MAN1A1: variants seen among roughly 807,000 people sequenced by gnomAD.
MAN1A1 encodes the protein mannosidase alpha class 1A member 1.
In MAN1A1, 29 loss-of-function variants were observed where a neutral mutation model predicts 70.8. The ratio of observed to expected loss-of-function variants is 0.41; its 90% confidence interval spans 0.31 to 0.56. The LOEUF is 0.56. Ranked by LOEUF, MAN1A1 falls within the 20% of genes least tolerant of loss-of-function variation. The probability of loss-of-function intolerance (pLI) is 0.29; values close to 1 mark genes in which losing one functional copy is unlikely to be tolerated. For synonymous variants in MAN1A1, 349 were observed against 330.1 expected (o/e 1.06, Z -0.62); for missense variants, 747 against 841.3 (o/e 0.89, Z 1.39).
At chr6:119,203,767 G>C (rs946253811) in intron 7 of MAN1A1, among the ~76,000 whole-genome samples, 3 of 152,166 alleles carry the variant, frequency 2.0e-5, no homozygotes, top group Admixed American at 2.0e-4. Context: ...TAGGCGTTAA[G>C]TCCGAGGCAT....
intron 6 of MAN1A1, among the ~76,000 whole-genome samples, chr6:119,231,649 G>A (rs1320456284): frequency 6.6e-6 from 1 of 152,120 alleles, no homozygotes; most frequent in Non-Finnish European, 1.5e-5. Flanking sequence ...CTGAGGGCCT[G>A]GCCAAGGCAC....
At chr6:119,293,115 T>C (rs989072295) in intron 4 of MAN1A1, among the ~76,000 whole-genome samples, 8 of 152,100 alleles carry the variant, frequency 5.3e-5, no homozygotes, top group Admixed American at 1.3e-4. Context: ...ATTCTGGCTA[T>C]AGGTTCTTGA....
chr6:119,343,880 G>A (rs1367030557), intron 2 of MAN1A1, among the ~76,000 whole-genome samples: 2 of 152,182 alleles, frequency 1.3e-5, no homozygotes, highest in Non-Finnish European at 1.5e-5. Flanking sequence ...CCAGGTTCCA[G>A]TGCAATTCTG....
chr6:119,324,607 T>C (rs1773100409), intron 2 of MAN1A1, among the ~76,000 whole-genome samples: 2 of 152,106 alleles, frequency 1.3e-5, no homozygotes, highest in Non-Finnish European at 1.5e-5. Context: ...TTATATATTC[T>C]AGAAGTTAAG....
intron 6 of MAN1A1, among the ~76,000 whole-genome samples, chr6:119,238,377 T>A (rs1774913620): frequency 6.6e-6 from 1 of 152,214 alleles, no homozygotes; most frequent in Non-Finnish European, 1.5e-5. Flanking sequence ...ACAAATGTAA[T>A]CATATTTTAA....
chr6:119,204,442 G>A (rs1273346446), intron 7 of MAN1A1, among the ~76,000 whole-genome samples: 6 of 152,298 alleles, frequency 3.9e-5, no homozygotes, highest in Non-Finnish European at 4.4e-5. Flanking sequence ...CTTTCACATA[G>A]TTGGCTCATG....
intron 5 of MAN1A1, among the ~76,000 whole-genome samples, chr6:119,275,362 A>G (rs1315450841): frequency 9.7e-6 from 1 of 103,222 alleles, no homozygotes; most frequent in Non-Finnish European, 1.9e-5. Flanking sequence ...GCTGGAGTGC[A>G]GTGGCGGGAT....
At chr6:119,291,274 T>C (rs529615092) in intron 4 of MAN1A1, among the ~76,000 whole-genome samples, 113 of 152,202 alleles carry the variant, frequency 7.4e-4, no homozygotes, top group African/African-American at 2.5e-3. Context: ...GACTTGCTCC[T>C]AGCCTTCCGC....
Position 119,247,555 on chromosome 6 carries a change from C to T in MAN1A1, c.992+705G>A, listed in dbSNP as rs145462999. ...TTAAGAAGGAAGCTTAAGACAAAAT[C>T]GTTTATTAATGAAATGCTTAAGTTA... is the stretch of plus-strand genomic sequence containing the variant. On this transcript the variant is annotated intron_variant, in intron 6 of 12. Transcript: ENST00000368468. Among the ~76,000 whole-genome samples, 55 of 152,238 alleles carry T rather than the reference C, an allele frequency of 3.6e-4. No individual in the cohort carries two copies. The East Asian group carries it at 0.011, about 29-fold the overall frequency.
At chr6:119,302,156 T>G in intron 3 of MAN1A1, 53 bp from the exon 4 acceptor site, 1 of 844,568 alleles carries the variant, frequency 1.2e-6, no homozygotes, top group Non-Finnish European at 2.0e-6. Context: ...ATAAAATATA[T>G]GTAAATTGAC....
chr6:119,193,545 T>C (rs1399995164), intron 9 of MAN1A1, among the ~76,000 whole-genome samples: 1 of 152,214 alleles, frequency 6.6e-6, no homozygotes, highest in Non-Finnish European at 1.5e-5. Context: ...TTTTCAGATA[T>C]GTGACTCTTA....
chr6:119,301,870 C>T (rs6420708), intron 4 of MAN1A1, 118 bp downstream of exon 4: 224,793 of 607,146 alleles, frequency 0.37, 43,876 homozygotes, highest in Non-Finnish European at 0.41. Context: ...ATTTGTACTA[C>T]CTAAAGTTGC....
chr6:119,349,122 C>T lies in MAN1A1; in HGVS notation c.-57G>A, dbSNP rs1425764343. 2 of 1,257,960 alleles carry T rather than the reference C, an allele frequency of 1.6e-6. No individual in the cohort carries two copies. Among genetic ancestry groups the T allele is most frequent in the African/African-American group, 3.1e-5 (2 of 64,060 alleles). The allele number at this position is 1,257,960 out of a possible 1,614,324, so 77.9% of individuals were successfully genotyped here. A position where few individuals can be genotyped will look rare whatever the true frequency, so the allele number is the denominator to read the frequency against. On this transcript the variant is annotated 5_prime_UTR_variant, in exon 2 of 13. Transcript: ENST00000368468. ...CCGCTCAGCAGCCAAACTTCGCCGCCGCTGGGAGTCCGCGGCTGCGGGGCT... is the reference window on the plus strand; with the variant it reads ...CCGCTCAGCAGCCAAACTTCGCCGCTGCTGGGAGTCCGCGGCTGCGGGGCT...
chr6:119,338,475 TAAG>T (rs955276736), intron 2 of MAN1A1, among the ~76,000 whole-genome samples: 2 of 152,204 alleles, frequency 1.3e-5, no homozygotes, highest in African/African-American at 4.8e-5. Context: ...TCTTCACACA[TAAG>T]AACAAATATT....
intron 5 of MAN1A1, among the ~76,000 whole-genome samples, chr6:119,280,961 G>A (rs1350317315): frequency 6.6e-6 from 1 of 152,218 alleles, no homozygotes; most frequent in East Asian, 1.9e-4. Context: ...CAGGCAACAC[G>A]GCAGGCCGCT....
chr6:119,255,086 T>G (rs1403197472), intron 5 of MAN1A1, among the ~76,000 whole-genome samples: 1 of 152,238 alleles, frequency 6.6e-6, no homozygotes, highest in Admixed American at 6.5e-5. Flanking sequence ...GACATATGGT[T>G]TTCTTTGCCT....
In MAN1A1 at chr6:119,204,901, C is replaced by T. The variant is rs201160543; in HGVS notation, c.993-19G>A. 2.5e-5 allele frequency: 40 copies of T among 1,612,350 alleles called. No individual in the cohort carries two copies. Among genetic ancestry groups the T allele is most frequent in the African/African-American group, 6.7e-5 (5 of 74,888 alleles). On this transcript the variant is annotated intron_variant, in intron 6 of 12. Coordinates refer to ENST00000368468, the MANE Select transcript of MAN1A1 (RefSeq NM_005907.4). Reference sequence around the variant, plus strand: ...AATACCACTAAAGAAGAGATGACGTCGAAGAGTTATGGGTCAGATTAACTC... The same window carrying T: ...AATACCACTAAAGAAGAGATGACGTTGAAGAGTTATGGGTCAGATTAACTC...
intron 5 of MAN1A1, among the ~76,000 whole-genome samples, chr6:119,258,888 G>A (rs536102946): frequency 8.5e-5 from 13 of 152,178 alleles, no homozygotes; most frequent in African/African-American, 2.9e-4. Flanking sequence ...CAGTCTGTAC[G>A]ATCTTGAACG....
intron 2 of MAN1A1, among the ~76,000 whole-genome samples, chr6:119,339,707 T>G (rs1773552157): frequency 1.3e-5 from 2 of 152,176 alleles, no homozygotes; most frequent in Admixed American, 6.5e-5. Context: ...AACAAACCTA[T>G]TCTATCCTTT....
Sources: gnomAD v4.1 joint callset for allele counts (sites outside exome capture counted in the v4.1 genomes callset) on GRCh38, gnomAD v4.1.1 for gene constraint, MANE v1.5 for transcripts, NCBI Gene and HGNC (gene_info 2026-07-23, HGNC 2026-07-21) for gene names.